CACUL1: variants seen among roughly 807,000 people sequenced by gnomAD.
CACUL1 encodes CDK2-associated and cullin domain-containing protein 1.
Under a neutral mutation model 45.2 loss-of-function variants are expected in CACUL1, and 13 were observed. The observed-to-expected ratio is 0.29, with a 90% CI of 0.19 to 0.46. The LOEUF (loss-of-function observed/expected upper bound fraction) is 0.46. CACUL1 is among the 20% of genes least tolerant of loss of function. CACUL1 has a pLI of 1.00. For synonymous variants in CACUL1, 197 were observed against 174.2 expected (o/e 1.13, Z -1.03); for missense variants, 421 against 471.4 (o/e 0.89, Z 0.99).
At chr10:118,729,256 A>C in intron 3 of CACUL1, 39 bp downstream of exon 3, 33 of 1,443,674 alleles carry the variant, frequency 2.3e-5, no homozygotes, top group East Asian at 4.5e-5. Context: ...CAGTCAGGAA[A>C]ACCCAAGGAA....
At chr10:118,717,242 A>G (rs553829825) in intron 3 of CACUL1, among the ~76,000 whole-genome samples, 1 of 152,372 alleles carries the variant, frequency 6.6e-6, no homozygotes, top group East Asian at 1.9e-4. Context: ...AAAACTGAGC[A>G]GTAATCACCC....
chr10:118,720,417 G>C (rs1845589033), intron 3 of CACUL1, among the ~76,000 whole-genome samples: 1 of 152,076 alleles, frequency 6.6e-6, no homozygotes, highest in Non-Finnish European at 1.5e-5. Context: ...ACACCTATTT[G>C]CTATTATTTT....
intron 5 of CACUL1, among the ~76,000 whole-genome samples, chr10:118,697,192 C>T (rs777390421): frequency 5.3e-5 from 8 of 152,106 alleles, no homozygotes; most frequent in Non-Finnish European, 1.2e-4. Context: ...GTAAGTGCTA[C>T]GTACTTTACA....
intron 3 of CACUL1, among the ~76,000 whole-genome samples, chr10:118,713,085 T>C (rs11198573): frequency 0.19 from 28,868 of 152,172 alleles, 3,348 homozygotes; most frequent in African/African-American, 0.3. Context: ...CAGCACCCCT[T>C]GGCTTCCTTT....
chr10:118,692,177 C>T (rs751567542), intron 6 of CACUL1, among the ~76,000 whole-genome samples: 15 of 151,712 alleles, frequency 9.9e-5, no homozygotes, highest in South Asian at 2.1e-4. Flanking sequence ...AGGGACTGAA[C>T]GTTTAATAAG....
chr10:118,744,843 A>G (rs1227834173), intron 1 of CACUL1, among the ~76,000 whole-genome samples: 2 of 152,050 alleles, frequency 1.3e-5, no homozygotes, highest in African/African-American at 2.4e-5. Context: ...TTTAGTATGG[A>G]CGGGGTTTCA....
chr10:118,724,559 T>C (rs1213225015), intron 3 of CACUL1, among the ~76,000 whole-genome samples: 1 of 152,098 alleles, frequency 6.6e-6, no homozygotes, highest in African/African-American at 2.4e-5. Context: ...TCAGCTGTGA[T>C]TAATTAAGGA....
intron 3 of CACUL1, among the ~76,000 whole-genome samples, chr10:118,725,612 TAAG>T (rs967178300): frequency 1.1e-4 from 16 of 152,146 alleles, no homozygotes; most frequent in African/African-American, 3.9e-4. Context: ...AATATAATAG[TAAG>T]GAGAACACTA....
In CACUL1 at chr10:118,707,408, A is replaced by G. The variant is rs951149452; in HGVS notation, c.693+84T>C. 5 of 599,732 alleles carry G rather than the reference A, an allele frequency of 8.3e-6. No homozygotes were observed. In the African/African-American group the frequency reaches 9.4e-5, roughly 11 times the overall value. The allele number at this position is 599,732 out of a possible 1,614,324, so 37.2% of individuals were successfully genotyped here. On this transcript the variant is annotated intron_variant, in intron 4 of 8. Transcript: ENST00000369151. ...AACACAAATGTAGTAAAAGAAAAAC[A>G]GAATATGCTTAACTCTCTGCATCTA... is the stretch of plus-strand genomic sequence containing the variant.
chr10:118,754,842 C>A lies in CACUL1; in HGVS notation c.-80G>T. The A allele has an allele frequency of 6.8e-7, 1 of 1,480,560 alleles. No individual in the cohort carries two copies. The highest frequency in any genetic ancestry group is 1.4e-5 in the South Asian group (1 of 72,746). The allele number at this position is 1,480,560 out of a possible 1,614,324, so 91.7% of individuals were successfully genotyped here. ...CCCGGGCCAGCGGGCACCGCTGCCT[C>A]CCCGAGTTACATCGCCGGCGGCAGG... is the stretch of plus-strand genomic sequence containing the variant. On this transcript the variant is annotated 5_prime_UTR_variant, in exon 1 of 9. Coordinates refer to ENST00000369151, the MANE Select transcript of CACUL1 (RefSeq NM_153810.5).
rs1229469915 is a variant in CACUL1 at position 118,680,721 on chromosome 10, A to G, written c.*5407T>C. 2.6e-5 allele frequency: 4 copies of G among 152,262 alleles called. No individual in the cohort carries two copies. In the East Asian group the frequency reaches 7.7e-4, roughly 29 times the overall value. The allele number at this position is 152,262 out of a possible 1,614,324, so 9.4% of individuals were successfully genotyped here. A position where few individuals can be genotyped will look rare whatever the true frequency, so the allele number is the denominator to read the frequency against. Reference sequence around the variant, plus strand: ...ATACTGATATCCGTATCCATACTATATATGAATATAGAATAGATATGACCA... The same window carrying G: ...ATACTGATATCCGTATCCATACTATGTATGAATATAGAATAGATATGACCA... On this transcript the variant is annotated 3_prime_UTR_variant, in exon 9 of 9. Coordinates refer to ENST00000369151, the MANE Select transcript of CACUL1 (RefSeq NM_153810.5).
intron 1 of CACUL1, among the ~76,000 whole-genome samples, chr10:118,735,026 A>C (rs991304501): frequency 3.3e-5 from 5 of 152,224 alleles, no homozygotes; most frequent in Admixed American, 6.5e-5. Context: ...ATCTCCCTCA[A>C]ACTAGACGTT....
At chr10:118,723,037 G>C (rs953952597) in intron 3 of CACUL1, among the ~76,000 whole-genome samples, 1 of 152,112 alleles carries the variant, frequency 6.6e-6, no homozygotes, top group African/African-American at 2.4e-5. Context: ...AGTGCCCATG[G>C]GGTAGCCCTG....
chr10:118,753,863 T>G (rs1392630038), intron 1 of CACUL1, among the ~76,000 whole-genome samples: 8 of 152,242 alleles, frequency 5.3e-5, no homozygotes, highest in Non-Finnish European at 4.4e-5. Context: ...TGCAAAAGTG[T>G]AACACAGTAG....
intron 5 of CACUL1, among the ~76,000 whole-genome samples, chr10:118,696,260 C>T (rs1845321148): frequency 6.6e-6 from 1 of 152,120 alleles, no homozygotes; most frequent in Admixed American, 6.6e-5. Context: ...CCCTGGCCCA[C>T]ACTAGAAGAA....
Position 118,677,106 on chromosome 10 carries a change from A to G in CACUL1, c.*9022T>C, listed in dbSNP as rs1053762028. ...TTATACCAGCACCTTTCATAAAATAATTGACCATGGACAGCATGATTTCAA... is the reference window on the plus strand; with the variant it reads ...TTATACCAGCACCTTTCATAAAATAGTTGACCATGGACAGCATGATTTCAA... On this transcript the variant is annotated 3_prime_UTR_variant, in exon 9 of 9. Coordinates refer to ENST00000369151, the MANE Select transcript of CACUL1 (RefSeq NM_153810.5). 2 of 152,200 alleles carry G rather than the reference A, an allele frequency of 1.3e-5. No individual in the cohort carries two copies. The highest frequency in any genetic ancestry group is 2.4e-5 in the African/African-American group (1 of 41,450). 9.4% of individuals were successfully genotyped at this position (152,200 alleles called of 1,614,324 possible). A position where few individuals can be genotyped will look rare whatever the true frequency, so the allele number is the denominator to read the frequency against.
intron 4 of CACUL1, among the ~76,000 whole-genome samples, chr10:118,702,208 T>C (rs983491609): frequency 6.6e-6 from 1 of 152,186 alleles, no homozygotes; most frequent in Non-Finnish European, 1.5e-5. Flanking sequence ...TTCCACTACC[T>C]ACACAAATCC....
chr10:118,690,442 GA>G (rs1373373720), intron 7 of CACUL1, among the ~76,000 whole-genome samples: 1 of 150,540 alleles, frequency 6.6e-6, no homozygotes, highest in Non-Finnish European at 1.5e-5. Context: ...TATTTTAGTT[GA>G]AAAATGCACT....
At chr10:118,686,287 A>C in intron 8 of CACUL1, 119 bp from the exon 9 acceptor site, 1 of 868,120 alleles carries the variant, frequency 1.2e-6, no homozygotes, top group South Asian at 1.5e-5. Context: ...AAAAGGCTTA[A>C]AAAAAATCCT....
Sources: gnomAD v4.1 joint callset for allele counts (sites outside exome capture counted in the v4.1 genomes callset) on GRCh38, gnomAD v4.1.1 for gene constraint, MANE v1.5 for transcripts, NCBI Gene and HGNC (gene_info 2026-07-23, HGNC 2026-07-21) for gene names.